IFTAP: variants seen among roughly 807,000 people sequenced by gnomAD.
IFTAP encodes the protein intraflagellar transport associated protein.
A neutral mutation model predicts 19.4 loss-of-function variants in IFTAP; 19 were observed. The observed-to-expected ratio is 0.98, with a 90% confidence interval of 0.68 to 1.44. IFTAP has a LOEUF of 1.44. Among genes scored for constraint, IFTAP ranks in the 40% most tolerant of loss-of-function variants. IFTAP has a pLI of 0.00. For synonymous variants in IFTAP, 85 were observed against 83.5 expected (o/e 1.02, Z -0.10); for missense variants, 240 against 253.6 (o/e 0.95, Z 0.36).
At chr11:36,623,819 A>G (rs1008624893) in intron 2 of IFTAP, among the ~76,000 whole-genome samples, 1 of 151,906 alleles carries the variant, frequency 6.6e-6, no homozygotes, top group Non-Finnish European at 1.5e-5. Context: ...TTTCTGTTGT[A>G]TATTTCGTAC....
intron 1 of IFTAP, among the ~76,000 whole-genome samples, chr11:36,604,781 A>G (rs1000816170): frequency 6.6e-6 from 1 of 152,154 alleles, no homozygotes; most frequent in Non-Finnish European, 1.5e-5. Context: ...ATTAGTTGAC[A>G]GAAACCCCAC....
At chr11:36,637,994 C>G (rs1853024292) in intron 4 of IFTAP, among the ~76,000 whole-genome samples, 2 of 151,984 alleles carry the variant, frequency 1.3e-5, no homozygotes, top group African/African-American at 4.8e-5. Flanking sequence ...AATTCTCCTG[C>G]CTCAGCCTCC....
chr11:36,656,139 G>T (rs547014727), intron 5 of IFTAP, among the ~76,000 whole-genome samples: 1 of 152,276 alleles, frequency 6.6e-6, no homozygotes, highest in East Asian at 1.9e-4. Context: ...ACTTGGCCGT[G>T]GGAGCCCTGA....
chr11:36,631,885 C>T (rs1284088409), intron 2 of IFTAP, among the ~76,000 whole-genome samples: 1 of 151,176 alleles, frequency 6.6e-6, no homozygotes, highest in Non-Finnish European at 1.5e-5. Flanking sequence ...ACCCTGCACG[C>T]TTAGTTCTTC....
At chr11:36,617,378 G>A (rs1852133446) in intron 2 of IFTAP, among the ~76,000 whole-genome samples, 1 of 151,662 alleles carries the variant, frequency 6.6e-6, no homozygotes, top group Non-Finnish European at 1.5e-5. Context: ...TTTTATGAAA[G>A]TATAGATTTC....
intron 4 of IFTAP, among the ~76,000 whole-genome samples, chr11:36,642,334 A>G (rs1251077461): frequency 3.9e-5 from 6 of 152,192 alleles, no homozygotes; most frequent in African/African-American, 1.2e-4. Flanking sequence ...GAATAGACCA[A>G]TAACAGGCTC....
chr11:36,599,852 C>T (rs1438118063), intron 1 of IFTAP, among the ~76,000 whole-genome samples: 1 of 152,106 alleles, frequency 6.6e-6, no homozygotes, highest in Non-Finnish European at 1.5e-5. Flanking sequence ...GAAATTACAG[C>T]AACCATAAGG....
At chr11:36,600,868 A>T (rs987350286) in intron 1 of IFTAP, among the ~76,000 whole-genome samples, 1 of 152,220 alleles carries the variant, frequency 6.6e-6, no homozygotes, top group Non-Finnish European at 1.5e-5. Flanking sequence ...AGGAAACATA[A>T]TTGGAAAAAG....
intron 1 of IFTAP, among the ~76,000 whole-genome samples, chr11:36,604,439 A>G (rs571645097): frequency 1.3e-5 from 2 of 152,362 alleles, no homozygotes; most frequent in East Asian, 1.9e-4. Context: ...ATGAAAAACA[A>G]TAAAGGAGTG....
chr11:36,652,852 A>G (rs1029468985), intron 5 of IFTAP, among the ~76,000 whole-genome samples: 5 of 152,126 alleles, frequency 3.3e-5, no homozygotes, highest in Non-Finnish European at 5.9e-5. Flanking sequence ...ATAATTGTAT[A>G]TAGAATTATG....
chr11:36,601,817 C>T (rs1232051462), intron 1 of IFTAP, among the ~76,000 whole-genome samples: 1 of 150,984 alleles, frequency 6.6e-6, no homozygotes, highest in African/African-American at 2.5e-5. Flanking sequence ...TCATGCTCAG[C>T]TAATGATTTA....
chr11:36,636,016 T>C (rs771883138), intron 3 of IFTAP, 35 bp from the exon 4 acceptor site: 2 of 1,473,610 alleles, frequency 1.4e-6, no homozygotes, highest in Non-Finnish European at 1.9e-6. Flanking sequence ...TTTAGGTCTA[T>C]TCTGCTTAAA....
Position 36,594,710 on chromosome 11 carries a change from G to C in IFTAP, c.-24+118G>C, listed in dbSNP as rs558269729. On this transcript the variant is annotated intron_variant, in intron 1 of 5. Coordinates refer to ENST00000334307, the MANE Select transcript of IFTAP (RefSeq NM_138787.4). Reference sequence around the variant, plus strand: ...GCTGCAGCGCCCGGAGCGGTGTCGGGCAAACCGCTACCCTGGTATTGCTGG... The same window carrying C: ...GCTGCAGCGCCCGGAGCGGTGTCGGCCAAACCGCTACCCTGGTATTGCTGG... The C allele has an allele frequency of 5.4e-4, 86 of 160,592 alleles. No homozygotes were observed. In the South Asian group the frequency reaches 0.014, roughly 27 times the overall value. The allele number at this position is 160,592 out of a possible 1,614,324, so 9.9% of individuals were successfully genotyped here. A position where few individuals can be genotyped will look rare whatever the true frequency, so the allele number is the denominator to read the frequency against.
At chr11:36,647,533 T>C (rs1008871672) in intron 4 of IFTAP, among the ~76,000 whole-genome samples, 1 of 152,174 alleles carries the variant, frequency 6.6e-6, no homozygotes, top group African/African-American at 2.4e-5. Context: ...ATTTCACTTT[T>C]CTGCTGAAAG....
chr11:36,621,506 CATT>C (rs1473058039), intron 2 of IFTAP, among the ~76,000 whole-genome samples: 3 of 151,886 alleles, frequency 2.0e-5, no homozygotes, highest in East Asian at 3.9e-4. Flanking sequence ...AGAGAGGAAT[CATT>C]ATATCATTTT....
chr11:36,606,418 G>A (rs1017162287), intron 1 of IFTAP, among the ~76,000 whole-genome samples: 58 of 152,048 alleles, frequency 3.8e-4, no homozygotes, highest in African/African-American at 1.3e-3. Context: ...AGCCGAGATC[G>A]CATCAAGAGC....
At chr11:36,604,530 T>C (rs1851623466) in intron 1 of IFTAP, among the ~76,000 whole-genome samples, 2 of 152,202 alleles carry the variant, frequency 1.3e-5, no homozygotes, top group Non-Finnish European at 2.9e-5. Context: ...TCTTTTGTTT[T>C]CTCATTTGTA....
intron 2 of IFTAP, among the ~76,000 whole-genome samples, chr11:36,629,087 G>A (rs1471626848): frequency 2.0e-5 from 3 of 151,292 alleles, no homozygotes; most frequent in East Asian, 1.9e-4. Context: ...TAGTTCGAAC[G>A]ACTATCGCTC....
chr11:36,637,893 T>C (rs1481815137), intron 4 of IFTAP, among the ~76,000 whole-genome samples: 1 of 151,926 alleles, frequency 6.6e-6, no homozygotes, highest in Non-Finnish European at 1.5e-5. Context: ...ATCTTTTTTT[T>C]TTTTTGAGAT....
Sources: allele counts gnomAD v4.1 joint callset (sites outside exome capture counted in the v4.1 genomes callset), GRCh38; gene constraint gnomAD v4.1.1; transcripts MANE v1.5; gene names NCBI Gene and HGNC (gene_info 2026-07-23, HGNC 2026-07-21).